CACNA2D3: variants seen among roughly 807,000 people sequenced by gnomAD.
CACNA2D3 encodes voltage-dependent calcium channel subunit alpha-2/delta-3.
Under a neutral mutation model 160.6 loss-of-function variants are expected in CACNA2D3, and 60 were observed. The observed-to-expected ratio is 0.37, with a 90% CI of 0.30 to 0.46. The LOEUF (loss-of-function observed/expected upper bound fraction) is 0.46. CACNA2D3 is among the 20% of genes least tolerant of loss of function. The probability of loss-of-function intolerance (pLI) is 1.00; values close to 1 mark genes in which losing one functional copy is unlikely to be tolerated. For synonymous variants in CACNA2D3, 558 were observed against 492.9 expected (o/e 1.13, Z -1.75); for missense variants, 1,205 against 1,365.0 (o/e 0.88, Z 1.85).
At chr3:54,802,604 G>T (rs1037519671) in intron 13 of CACNA2D3, among the ~76,000 whole-genome samples, 1 of 152,148 alleles carries the variant, frequency 6.6e-6, no homozygotes, top group African/African-American at 2.4e-5. Context: ...AAGTTTCTAT[G>T]AAAATAGTAG....
chr3:54,542,863 A>G (rs1016877229), intron 5 of CACNA2D3, among the ~76,000 whole-genome samples: 4 of 152,202 alleles, frequency 2.6e-5, no homozygotes, highest in African/African-American at 9.7e-5. Flanking sequence ...AATATTAAGG[A>G]ACACAAAATT....
chr3:54,474,097 G>C (rs747666217), intron 4 of CACNA2D3, among the ~76,000 whole-genome samples: 1 of 152,082 alleles, frequency 6.6e-6, no homozygotes, highest in Non-Finnish European at 1.5e-5. Flanking sequence ...ACATATGCAC[G>C]CATATGTTTA....
At chr3:54,796,915 C>A (rs1433726316) in intron 13 of CACNA2D3, among the ~76,000 whole-genome samples, 1 of 152,236 alleles carries the variant, frequency 6.6e-6, no homozygotes, top group East Asian at 1.9e-4. Context: ...ATCATTTCAT[C>A]AGCTGTATCA....
At chr3:54,855,124 A>G (rs931026884) in intron 17 of CACNA2D3, among the ~76,000 whole-genome samples, 2 of 152,130 alleles carry the variant, frequency 1.3e-5, no homozygotes, top group African/African-American at 4.8e-5. Flanking sequence ...GCCCACCTGT[A>G]TGGAACACAG....
intron 17 of CACNA2D3, among the ~76,000 whole-genome samples, chr3:54,862,534 C>G (rs1407510985): frequency 6.6e-6 from 1 of 152,140 alleles, no homozygotes; most frequent in South Asian, 2.1e-4. Flanking sequence ...TGCCTGCATC[C>G]CTTTATTAAC....
At chr3:54,853,594 CAGGTAGAAGG>C (rs1699106681) in intron 17 of CACNA2D3, among the ~76,000 whole-genome samples, 1 of 152,122 alleles carries the variant, frequency 6.6e-6, no homozygotes, top group African/African-American at 2.4e-5. Flanking sequence ...GACATAGAAG[CAGGTAGAAGG>C]AGGTCTCTGC....
intron 6 of CACNA2D3, among the ~76,000 whole-genome samples, chr3:54,567,570 C>CT (rs1389751111): frequency 6.6e-6 from 1 of 152,184 alleles, no homozygotes; most frequent in African/African-American, 2.4e-5. Context: ...GAGTCTTACT[C>CT]TGTCTCCCAG....
intron 27 of CACNA2D3, among the ~76,000 whole-genome samples, chr3:54,947,373 G>C (rs899221291): frequency 2.6e-5 from 4 of 152,142 alleles, no homozygotes; most frequent in African/African-American, 9.7e-5. Flanking sequence ...GTGTATAACA[G>C]GCTCTGGTTA....
intron 11 of CACNA2D3, among the ~76,000 whole-genome samples, chr3:54,675,393 G>A (rs1700221630): frequency 6.6e-6 from 1 of 152,178 alleles, no homozygotes; most frequent in Admixed American, 6.5e-5. Context: ...CTGGACAGAG[G>A]CAGTCATGTG....
intron 2 of CACNA2D3, among the ~76,000 whole-genome samples, chr3:54,137,371 A>G (rs1001792747): frequency 6.6e-6 from 1 of 152,206 alleles, no homozygotes; most frequent in African/African-American, 2.4e-5. Context: ...TTGACCTGTC[A>G]CCGATGGCTT....
intron 31 of CACNA2D3, among the ~76,000 whole-genome samples, chr3:55,000,508 A>T (rs1044428303): frequency 6.6e-6 from 1 of 152,216 alleles, no homozygotes; most frequent in African/African-American, 2.4e-5. Flanking sequence ...ACCATGGCAC[A>T]TGTATTCCTA....
intron 4 of CACNA2D3, among the ~76,000 whole-genome samples, chr3:54,400,424 G>T (rs1699434411): frequency 6.6e-6 from 1 of 152,024 alleles, no homozygotes; most frequent in Non-Finnish European, 1.5e-5. Context: ...CCTGTTTCCT[G>T]GAACTCAGCA....
chr3:54,568,193 C>T (rs1481670100), intron 6 of CACNA2D3, among the ~76,000 whole-genome samples: 1 of 152,176 alleles, frequency 6.6e-6, no homozygotes, highest in African/African-American at 2.4e-5. Flanking sequence ...TAATTTTCCT[C>T]CAATGTTAGT....
intron 10 of CACNA2D3, among the ~76,000 whole-genome samples, chr3:54,631,523 T>G (rs1230892289): frequency 6.6e-6 from 1 of 152,056 alleles, no homozygotes; most frequent in Non-Finnish European, 1.5e-5. Flanking sequence ...AAAAAGTTAT[T>G]TCTTGAACAC....
chr3:54,232,193 A>G (rs1701782835), intron 2 of CACNA2D3, among the ~76,000 whole-genome samples: 1 of 152,194 alleles, frequency 6.6e-6, no homozygotes, highest in African/African-American at 2.4e-5. Context: ...GAGCATTCCA[A>G]TCCTGGATCA....
chr3:54,264,777 A>T (rs975224696), intron 2 of CACNA2D3, among the ~76,000 whole-genome samples: 2 of 152,184 alleles, frequency 1.3e-5, no homozygotes, highest in Non-Finnish European at 2.9e-5. Context: ...TAGTCAGTTG[A>T]TCCAAACACT....
intron 35 of CACNA2D3, among the ~76,000 whole-genome samples, chr3:55,036,266 GT>G (rs1239096652): frequency 6.6e-6 from 1 of 151,850 alleles, no homozygotes. Context: ...GGCCAACATG[GT>G]GAAACTCTGT....
chr3:54,634,898 G>C (rs1405869178), intron 10 of CACNA2D3, among the ~76,000 whole-genome samples: 3 of 152,034 alleles, frequency 2.0e-5, no homozygotes, highest in African/African-American at 7.3e-5. Flanking sequence ...AGGTCACAGG[G>C]GATGCAATGG....
chr3:54,904,125 G>A (rs559220077), intron 27 of CACNA2D3, among the ~76,000 whole-genome samples: 1 of 152,338 alleles, frequency 6.6e-6, no homozygotes, highest in Non-Finnish European at 1.5e-5. Flanking sequence ...GAGGGCAGAA[G>A]GTAGAAGGGC....
Sources: allele counts gnomAD v4.1 joint callset (sites outside exome capture counted in the v4.1 genomes callset), GRCh38; gene constraint gnomAD v4.1.1; transcripts MANE v1.5; gene names NCBI Gene and HGNC (gene_info 2026-07-23, HGNC 2026-07-21).